Variants in SLF1 observed in about 807,000 individuals in gnomAD.
SLF1 encodes the protein SMC5-SMC6 complex localization factor protein 1.
SLF1 carries 105 observed loss-of-function variants against 123.0 expected under a neutral mutation model. That is an observed-to-expected ratio of 0.85 (90% CI 0.73 to 1.00). The LOEUF is 1.00. Among genes scored for constraint, SLF1 ranks in the 50% least tolerant of loss-of-function variants. SLF1 has a pLI of 0.00. For synonymous variants in SLF1, 434 were observed against 406.6 expected, an observed-to-expected ratio of 1.07 and a Z score of -0.81; for missense variants, 1,239 against 1,223.0, an observed-to-expected ratio of 1.01 and a Z score of -0.20.
At chr5:94,643,518 AG>A in intron 5 of SLF1, 83 bp downstream of exon 5, 1 of 1,027,490 alleles carries the variant, frequency 9.7e-7, no homozygotes, top group Non-Finnish European at 1.3e-6. Flanking sequence ...TATATATTAA[AG>A]TTGTGTTCTA....
chr5:94,677,217 CAA>C (rs1389877844), intron 14 of SLF1, among the ~76,000 whole-genome samples: 1 of 151,986 alleles, frequency 6.6e-6, no homozygotes, highest in Non-Finnish European at 1.5e-5. Flanking sequence ...ACTATGAAGA[CAA>C]AGTGTGAAAA....
At chr5:94,669,277 A>G (rs552560403) in intron 12 of SLF1, among the ~76,000 whole-genome samples, 1 of 152,328 alleles carries the variant, frequency 6.6e-6, no homozygotes, top group South Asian at 2.1e-4. Context: ...GATAGATTGA[A>G]TATTAAATAA....
Position 94,652,880 on chromosome 5 carries a change from G to T in SLF1, c.883-392G>T, listed in dbSNP as rs1407221941. On this transcript the variant is annotated intron_variant, in intron 7 of 20. Coordinates refer to ENST00000265140, the MANE Select transcript of SLF1 (RefSeq NM_032290.4). ...TATTTTTATTTCTATTTTTTGAGATGGAGTTTCACTCTAGTTGCTCAGGCT... is the reference window on the plus strand; with the variant it reads ...TATTTTTATTTCTATTTTTTGAGATTGAGTTTCACTCTAGTTGCTCAGGCT... Among the ~76,000 whole-genome samples, 2 of 152,080 alleles carry T rather than the reference G, an allele frequency of 1.3e-5. 1 individual carries two copies. The highest frequency in any genetic ancestry group is 4.8e-5 in the African/African-American group (2 of 41,404).
At chr5:94,669,204 G>A (rs1212891551) in intron 12 of SLF1, among the ~76,000 whole-genome samples, 3 of 152,122 alleles carry the variant, frequency 2.0e-5, no homozygotes, top group African/African-American at 7.2e-5. Flanking sequence ...AGAAACGTAA[G>A]TTCTCTATCT....
intron 15 of SLF1, among the ~76,000 whole-genome samples, chr5:94,682,847 G>A (rs1751970284): frequency 6.6e-6 from 1 of 152,070 alleles, no homozygotes; most frequent in Non-Finnish European, 1.5e-5. Flanking sequence ...AACAAAATTC[G>A]TTCAATGTTA....
intron 1 of SLF1, among the ~76,000 whole-genome samples, chr5:94,625,066 G>T (rs1156878923): frequency 1.4e-4 from 21 of 151,512 alleles, no homozygotes; most frequent in Non-Finnish European, 5.9e-5. Context: ...GGTGGTGGGT[G>T]CCTGTAGTCC....
At chr5:94,672,982 A>G (rs1394069368) in intron 14 of SLF1, among the ~76,000 whole-genome samples, 2 of 152,198 alleles carry the variant, frequency 1.3e-5, no homozygotes, top group Non-Finnish European at 2.9e-5. Flanking sequence ...GTGTACCACT[A>G]GTTAAGGACT....
chr5:94,694,078 A>G (rs988095117), intron 20 of SLF1, among the ~76,000 whole-genome samples: 1 of 151,884 alleles, frequency 6.6e-6, no homozygotes, highest in Non-Finnish European at 1.5e-5. Flanking sequence ...TTTTATGGCC[A>G]AGTGCATAAA....
rs1177045115 is a variant in SLF1, at chr5:94,692,258, T to C, written c.2695+2T>C. ...GCAAGCTGCTACTACAGCATGGGGGTGAGTGTGTTTATGCTAAATGGGTTT... is the reference window on the plus strand; with the variant it reads ...GCAAGCTGCTACTACAGCATGGGGGCGAGTGTGTTTATGCTAAATGGGTTT... On this transcript the variant is annotated splice_donor_variant, in intron 20 of 20. Coordinates refer to ENST00000265140, the MANE Select transcript of SLF1 (RefSeq NM_032290.4). LOFTEE classifies it high-confidence loss of function. 6.2e-7 allele frequency: 1 copy of C among 1,611,180 alleles called. No homozygotes were observed. The highest frequency in any genetic ancestry group is 8.5e-7 in the Non-Finnish European group (1 of 1,178,292).
chr5:94,692,819 G>A (rs1392391910), intron 20 of SLF1, among the ~76,000 whole-genome samples: 1 of 152,142 alleles, frequency 6.6e-6, no homozygotes, highest in Admixed American at 6.6e-5. Context: ...TTGTGAAGGA[G>A]GTAACTTGAG....
intron 14 of SLF1, among the ~76,000 whole-genome samples, chr5:94,677,955 C>G (rs1014198939): frequency 6.7e-6 from 1 of 150,266 alleles, no homozygotes; most frequent in African/African-American, 2.5e-5. Context: ...GAGTCTCACT[C>G]TGTCACCCAG....
intron 4 of SLF1, among the ~76,000 whole-genome samples, chr5:94,635,337 C>CTTTTTTTTT (rs34524874): frequency 2.3e-4 from 10 of 43,896 alleles, no homozygotes; most frequent in East Asian, 8.3e-4. Context: ...ACATACTCGG[C>CTTTTTTTTT]TTTTTTTTTT....
rs528138553 is a variant in SLF1, at chr5:94,654,774, A to C, written c.1155+22A>C. ...TCAGGTAAAACTTGGCACATGAAAA[A>C]TTTTGTATAATATCGTGTCTTACTG... is the stretch of plus-strand genomic sequence containing the variant. On this transcript the variant is annotated intron_variant, in intron 9 of 20. Coordinates refer to ENST00000265140, the MANE Select transcript of SLF1 (RefSeq NM_032290.4). The C allele has an allele frequency of 5.4e-6, 8 of 1,476,198 alleles. No homozygotes were observed. The South Asian group carries it at 8.6e-5, about 16-fold the overall frequency. The allele number at this position is 1,476,198 out of a possible 1,614,324, so 91.4% of individuals were successfully genotyped here. A position where few individuals can be genotyped will look rare whatever the true frequency, so the allele number is the denominator to read the frequency against.
At chr5:94,666,220 T>TA (rs1749736241) in intron 12 of SLF1, among the ~76,000 whole-genome samples, 196 bp downstream of exon 12, 2 of 152,152 alleles carry the variant, frequency 1.3e-5, no homozygotes, top group Non-Finnish European at 2.9e-5. Flanking sequence ...GTCTGTTTCC[T>TA]AAAAAAATAA....
Position 94,692,217 on chromosome 5 carries a change from G to A in SLF1, c.2656G>A (p.Gly886Arg), listed in dbSNP as rs1389384662. The A allele has an allele frequency of 5.0e-6, 8 of 1,613,584 alleles. No homozygotes were observed. Among genetic ancestry groups the A allele is most frequent in the African/African-American group, 1.3e-5 (1 of 74,864 alleles). Residue 886 changes from glycine (G) to arginine (R), a missense_variant, in exon 20 of 21, where the codon GGA becomes AGA. Coordinates refer to ENST00000265140, the MANE Select transcript of SLF1 (RefSeq NM_032290.4). The stretch of plus-strand genomic sequence containing the variant: ...TCCTTTGCATGATGCACTGTCAAAC[G>A]GACATGTAGAAATTGGCAAGCTGCT... ...VTPLHDALSN[G>R]HVEIGKLLLQ...
At position 94,623,225 on chromosome 5, in the gene SLF1, TG is replaced by T. The variant is rs1791949527; in HGVS notation, c.-1+4463del. 2.6e-5 allele frequency among the ~76,000 whole-genome samples: 4 copies of T among 152,276 alleles called. No individual in the cohort carries two copies. In the South Asian group the frequency reaches 8.3e-4, roughly 32 times the overall value. The stretch of plus-strand genomic sequence containing the variant: ...TTCAGGCATCAAGAATAGGCCCATG[TG>T]GGAGATATTTTGGGAAACTCCATAC... On this transcript the variant is annotated intron_variant, in intron 1 of 20. Transcript: ENST00000265140.
chr5:94,620,918 CAT>C (rs1235042620), intron 1 of SLF1, among the ~76,000 whole-genome samples: 35 of 152,212 alleles, frequency 2.3e-4, no homozygotes, highest in African/African-American at 7.5e-4. Context: ...AAGACTTTCT[CAT>C]ATGAATCACT....
At chr5:94,630,419 G>A in intron 3 of SLF1, 84 bp from the exon 4 acceptor site, 5 of 1,408,988 alleles carry the variant, frequency 3.5e-6, no homozygotes, top group Non-Finnish European at 4.7e-6. Context: ...CTTGAAAAAG[G>A]TTGACTTTTA....
At position 94,671,366 on chromosome 5, in the gene SLF1, T is replaced by C. The variant is rs114170319; in HGVS notation, c.1827+358T>C. On this transcript the variant is annotated intron_variant, in intron 14 of 20. Coordinates refer to ENST00000265140, the MANE Select transcript of SLF1 (RefSeq NM_032290.4). Reference sequence around the variant, plus strand: ...TTTTGAGGGGTACTACTAATAAATATTAATATTTATTAGTATTATTTTAAA... The same window carrying C: ...TTTTGAGGGGTACTACTAATAAATACTAATATTTATTAGTATTATTTTAAA... Among the ~76,000 whole-genome samples, 451 of 151,580 alleles carry C rather than the reference T, an allele frequency of 3.0e-3. 2 individuals carry two copies. Among genetic ancestry groups the C allele is most frequent in the African/African-American group, 0.01 (421 of 41,370 alleles).
Sources: gnomAD v4.1 joint callset for allele counts (sites outside exome capture counted in the v4.1 genomes callset) on GRCh38, gnomAD v4.1.1 for gene constraint, MANE v1.5 for transcripts, NCBI Gene and HGNC (gene_info 2026-07-23, HGNC 2026-07-21) for gene names.